The following ILRUN variants were observed in gnomAD, a reference collection of about 807,000 sequenced individuals.
The protein encoded by ILRUN is protein ILRUN.
In ILRUN, 3 loss-of-function variants were observed where a neutral mutation model predicts 33.8. That is an observed-to-expected ratio of 0.09 (90% CI 0.04 to 0.23). The LOEUF (loss-of-function observed/expected upper bound fraction) is 0.23, where lower values mean the gene tolerates loss of function less well. Ranked by LOEUF, ILRUN falls within the 10% of genes least tolerant of loss-of-function variation. The pLI is 1.00. For synonymous variants in ILRUN, 124 were observed against 138.9 expected (o/e 0.89, Z 0.75); for missense variants, 210 against 375.1 (o/e 0.56, Z 3.64).
chr6:34,671,146 C>A (rs916594827), intron 1 of ILRUN, among the ~76,000 whole-genome samples: 1 of 151,864 alleles, frequency 6.6e-6, no homozygotes, highest in African/African-American at 2.4e-5. Flanking sequence ...GGGGTCCGGG[C>A]GTGTAATCCC....
intron 1 of ILRUN, among the ~76,000 whole-genome samples, chr6:34,668,630 G>A (rs900019873): frequency 2.6e-5 from 4 of 152,116 alleles, no homozygotes; most frequent in African/African-American, 9.7e-5. Flanking sequence ...TCAAGACTCA[G>A]CCTTATCCAA....
chr6:34,591,600 C>T (rs1057439010), intron 4 of ILRUN, among the ~76,000 whole-genome samples: 1 of 151,592 alleles, frequency 6.6e-6, no homozygotes, highest in Non-Finnish European at 1.5e-5. Context: ...ACCAGGTTCA[C>T]GCCATTCTCC....
At chr6:34,658,220 C>A (rs539365890) in intron 1 of ILRUN, among the ~76,000 whole-genome samples, 46 of 151,614 alleles carry the variant, frequency 3.0e-4, no homozygotes, top group African/African-American at 1.1e-3. Context: ...ATAGTGCATG[C>A]CTGTAATGAG....
intron 4 of ILRUN, among the ~76,000 whole-genome samples, chr6:34,601,299 G>A (rs553759090): frequency 4.9e-4 from 75 of 152,306 alleles, no homozygotes; most frequent in Non-Finnish European, 7.1e-4. Context: ...TTCTTTCATT[G>A]GCATGAGAAT....
intron 1 of ILRUN, among the ~76,000 whole-genome samples, chr6:34,657,263 G>C (rs979748215): frequency 6.6e-6 from 1 of 152,260 alleles, no homozygotes. Flanking sequence ...ATATGTTTTG[G>C]AGGGAAGAAA....
intron 3 of ILRUN, among the ~76,000 whole-genome samples, chr6:34,610,798 G>C (rs1438375678): frequency 6.6e-6 from 1 of 152,146 alleles, no homozygotes; most frequent in Non-Finnish European, 1.5e-5. Context: ...CTAAGCTACA[G>C]GTCATATGCT....
At chr6:34,622,061 T>C (rs373620649) in intron 3 of ILRUN, among the ~76,000 whole-genome samples, 1 of 152,048 alleles carries the variant, frequency 6.6e-6, no homozygotes, top group Non-Finnish European at 1.5e-5. Context: ...AAGAATGAAG[T>C]TGGACCCTTA....
intron 4 of ILRUN, among the ~76,000 whole-genome samples, chr6:34,602,838 G>T (rs1299480185): frequency 6.6e-6 from 1 of 152,208 alleles, no homozygotes; most frequent in Non-Finnish European, 1.5e-5. Context: ...GATGCAGCTA[G>T]GGCAGGCGTT....
intron 2 of ILRUN, among the ~76,000 whole-genome samples, chr6:34,648,812 C>T (rs1462319705): frequency 1.3e-5 from 2 of 152,038 alleles, no homozygotes; most frequent in Non-Finnish European, 2.9e-5. Flanking sequence ...ACACATACAC[C>T]TGCAACAAGA....
chr6:34,648,703 A>G (rs1762604300), intron 2 of ILRUN, among the ~76,000 whole-genome samples: 1 of 152,176 alleles, frequency 6.6e-6, no homozygotes, highest in Non-Finnish European at 1.5e-5. Flanking sequence ...CTCCTTAAAG[A>G]CCAAAATCGA....
chr6:34,629,446 GTGTGAACCA>G (rs1306068136), intron 3 of ILRUN, among the ~76,000 whole-genome samples: 1 of 152,132 alleles, frequency 6.6e-6, no homozygotes, highest in Non-Finnish European at 1.5e-5. Context: ...GGGATTATAG[GTGTGAACCA>G]CTGTGCCTAG....
At chr6:34,692,238 A>G (rs1335674317) in intron 1 of ILRUN, among the ~76,000 whole-genome samples, 3 of 152,240 alleles carry the variant, frequency 2.0e-5, no homozygotes, top group African/African-American at 7.2e-5. Flanking sequence ...TGCTGGGATT[A>G]TAGGCGTGAG....
intron 1 of ILRUN, among the ~76,000 whole-genome samples, chr6:34,691,842 A>G: frequency 6.6e-6 from 1 of 152,224 alleles, no homozygotes; most frequent in East Asian, 1.9e-4. Context: ...CTAAGACCAA[A>G]CAAAATATGT....
chr6:34,684,089 C>T (rs561390768), intron 1 of ILRUN, among the ~76,000 whole-genome samples: 1 of 151,904 alleles, frequency 6.6e-6, no homozygotes, highest in South Asian at 2.1e-4. Flanking sequence ...CCCAAAAAAA[C>T]AAAAAACCAG....
At chr6:34,686,150 G>C (rs924265225) in intron 1 of ILRUN, among the ~76,000 whole-genome samples, 1 of 152,124 alleles carries the variant, frequency 6.6e-6, no homozygotes, top group Admixed American at 6.6e-5. Context: ...CCTACAGAAT[G>C]GGAGAAAACA....
chr6:34,677,963 A>AAAG (rs1763272681), intron 1 of ILRUN, among the ~76,000 whole-genome samples: 1 of 148,500 alleles, frequency 6.7e-6, no homozygotes, highest in African/African-American at 2.4e-5. Context: ...AAAAAAAAAA[A>AAAG]AAAAAAGTGT....
intron 2 of ILRUN, among the ~76,000 whole-genome samples, chr6:34,650,900 AATT>A (rs1309797091): frequency 3.3e-5 from 5 of 152,148 alleles, no homozygotes; most frequent in African/African-American, 1.2e-4. Flanking sequence ...GTGCCATAAA[AATT>A]ATTATTTATG....
chr6:34,625,082 A>C (rs1762091273), intron 3 of ILRUN, among the ~76,000 whole-genome samples: 1 of 152,222 alleles, frequency 6.6e-6, no homozygotes, highest in South Asian at 2.1e-4. Flanking sequence ...AAAGAGAACT[A>C]CACTAGCTCT....
chr6:34,616,555 G>C lies in ILRUN; in HGVS notation c.512-9651C>G, dbSNP rs1313406746. The C allele has an allele frequency of 2.1e-6, 3 of 1,414,382 alleles. No individual in the cohort carries two copies. In the African/African-American group the frequency reaches 4.2e-5, roughly 20 times the overall value. The allele number at this position is 1,414,382 out of a possible 1,614,324, so 87.6% of individuals were successfully genotyped here. On this transcript the variant is annotated intron_variant, in intron 3 of 4. Transcript: ENST00000374023. ...CTGGAACCATGGAGGGTGTCGAAGA[G>C]AAGAAGGTTCCTGCTGTGCCAGAAA...
Sources: gnomAD v4.1 joint callset for allele counts (sites outside exome capture counted in the v4.1 genomes callset) on GRCh38, gnomAD v4.1.1 for gene constraint, MANE v1.5 for transcripts, NCBI Gene and HGNC (gene_info 2026-07-23, HGNC 2026-07-21) for gene names.